Variants in USP38 observed in about 807,000 individuals in gnomAD.
USP38 encodes ubiquitin specific peptidase 38.
In USP38, 49 loss-of-function variants were observed where a neutral mutation model predicts 94.3. The observed-to-expected ratio is 0.52, with a 90% CI of 0.41 to 0.66. USP38 has a LOEUF of 0.66. Among genes scored for constraint, USP38 ranks in the 30% least tolerant of loss-of-function variants. The pLI, the probability that USP38 is intolerant of heterozygous loss-of-function variation, is 0.00. For missense variants in USP38, 1,128 were observed against 1,229.4 expected (o/e 0.92, Z 1.23); for synonymous variants, 468 against 463.6 (o/e 1.01, Z -0.12).
intron 1 of USP38, among the ~76,000 whole-genome samples, chr4:143,186,879 C>G (rs1288209830): frequency 6.6e-6 from 1 of 152,176 alleles, no homozygotes; most frequent in Admixed American, 6.5e-5. Flanking sequence ...TTCATTTCCG[C>G]TCTACTTGGT....
Position 143,185,693 on chromosome 4 carries a change from C to T in USP38, c.243C>T (p.Asn81=). Residue 81 remains asparagine (N), a synonymous_variant, in exon 1 of 10, where the codon AAC becomes AAT. Transcript: ENST00000307017. ...GGCCAGAGTTCGAGTCCTTCTTCAA[C>T]AAGACCTTCGTGTTGGGCCTCCTTC... ...YHRPEFESFF[N]KTFVLGLLHQ... 2 of 1,614,176 alleles carry T rather than the reference C, an allele frequency of 1.2e-6. No homozygotes were observed.
chr4:143,213,991 T>C lies in USP38; in HGVS notation c.2015T>C (p.Leu672Pro). Residue 672 changes from leucine (L) to proline (P), a missense_variant, in exon 9 of 10, where the codon CTT (leucine) becomes CCT (proline). Leu to Pro is a moderately conservative substitution (Grantham distance 98). Coordinates refer to ENST00000307017, the MANE Select transcript of USP38 (RefSeq NM_032557.6). Reference protein sequence around the residue: ...PTTAAFICDSLVNEKTIGSPP... With the variant: ...PTTAAFICDSPVNEKTIGSPP... ...ACAGCTGCCTTCATCTGTGACTCAC[T>C]TGTGAATGAAAAAACCATAGGCAGT... 1 of 1,613,586 alleles carries C rather than the reference T, an allele frequency of 6.2e-7. No individual in the cohort carries two copies. The highest frequency in any genetic ancestry group is 8.5e-7 in the Non-Finnish European group (1 of 1,179,822).
intron 2 of USP38, among the ~76,000 whole-genome samples, chr4:143,193,902 C>T (rs1321974767): frequency 6.6e-6 from 1 of 152,086 alleles, no homozygotes. Flanking sequence ...CTCAGGCAAC[C>T]CCCTTGGTGA....
Position 143,202,566 on chromosome 4 carries a change from A to T in USP38, c.1051-842A>T, listed in dbSNP as rs1280479250. On this transcript the variant is annotated intron_variant, in intron 4 of 9. Transcript: ENST00000307017. The stretch of plus-strand genomic sequence containing the variant: ...TTGAAAAAAATATAGTATCATACTA[A>T]TGGAAAGAGCTATGTCTGTAAAATA... 2.0e-5 allele frequency among the ~76,000 whole-genome samples: 3 copies of T among 152,146 alleles called. No individual in the cohort carries two copies. In the East Asian group the frequency reaches 5.8e-4, roughly 29 times the overall value.
intron 1 of USP38, among the ~76,000 whole-genome samples, chr4:143,187,617 G>T (rs1731266821): frequency 6.6e-6 from 1 of 152,132 alleles, no homozygotes; most frequent in Non-Finnish European, 1.5e-5. Context: ...TCTATAGTAT[G>T]AGTGATCATT....
rs1732333653 is a variant in USP38 at position 143,221,911 on chromosome 4, G to A, written c.*1455G>A. 1 of 152,042 alleles carries A rather than the reference G, an allele frequency of 6.6e-6. No homozygotes were observed. Among genetic ancestry groups the A allele is most frequent in the Non-Finnish European group, 1.5e-5 (1 of 67,956 alleles). 9.4% of individuals were successfully genotyped at this position (152,042 alleles called of 1,614,324 possible). A position where few individuals can be genotyped will look rare whatever the true frequency, so the allele number is the denominator to read the frequency against. On this transcript the variant is annotated 3_prime_UTR_variant, in exon 10 of 10. Transcript: ENST00000307017. ...TTCCAATCACCAGGAAGATTAGGAA[G>A]GCAGATTAGATTAAAAACTGAAAAT...
Position 143,214,033 on chromosome 4 carries a change from A to G in USP38, c.2057A>G (p.Tyr686Cys). The stretch of plus-strand genomic sequence containing the variant: ...ATAGGCAGTCCTCCTAATGAGTTTT[A>G]CTGTTCTGAAAACACTTCTGTCCCT... ...KTIGSPPNEF[Y>C]CSENTSVPNE... Residue 686 changes from tyrosine to cysteine, a missense_variant, in exon 9 of 10, where the codon TAC (tyrosine) becomes TGC (cysteine). Transcript: ENST00000307017. The G allele has an allele frequency of 6.2e-7, 1 of 1,613,614 alleles. No individual in the cohort carries two copies. The highest frequency in any genetic ancestry group is 2.2e-5 in the East Asian group (1 of 44,844).
rs1731842121 is a variant in USP38, at chr4:143,205,736, A to G, written c.1210-297A>G. Among the ~76,000 whole-genome samples, 13 of 152,218 alleles carry G rather than the reference A, an allele frequency of 8.5e-5. 1 individual carries two copies. The highest frequency in any genetic ancestry group is 8.5e-4 in the Admixed American group (13 of 15,274). On this transcript the variant is annotated intron_variant, in intron 5 of 9. Coordinates refer to ENST00000307017, the MANE Select transcript of USP38 (RefSeq NM_032557.6). ...TTCTCTGACCCCAAAGTTTTATTTT[A>G]TAAACATTTTGCTGGCATATAGAGA...
chr4:143,213,650 T>G lies in USP38; in HGVS notation c.1674T>G (p.Ser558Arg). 6.2e-7 allele frequency: 1 copy of G among 1,613,368 alleles called. No individual in the cohort carries two copies. ...SHKPSEILEC[S>R]ETSLQEVASK... ...AGCCTTCTGAAATTCTGGAATGCAG[T>G]GAAACTTCTTTACAGGAAGTAGCTA... Residue 558 changes from serine to arginine, a missense_variant, in exon 9 of 10, where the codon AGT becomes AGG. Transcript: ENST00000307017.
Position 143,210,168 on chromosome 4 carries a change from T to A in USP38, c.1497+511T>A, listed in dbSNP as rs140455209. 2.1e-3 allele frequency among the ~76,000 whole-genome samples: 317 copies of A among 152,334 alleles called. 1 individual carries two copies. The highest frequency in any genetic ancestry group is 7.1e-3 in the African/African-American group (296 of 41,574). On this transcript the variant is annotated intron_variant, in intron 7 of 9. Coordinates refer to ENST00000307017, the MANE Select transcript of USP38 (RefSeq NM_032557.6). ...GAGCTTAAAATTTCGTGGTGATCTTTTATGTCCACACATTAATCCGGGGTC... is the reference window on the plus strand; with the variant it reads ...GAGCTTAAAATTTCGTGGTGATCTTATATGTCCACACATTAATCCGGGGTC...
In USP38 at chr4:143,197,898, C is replaced by T. The variant is rs1328601742; in HGVS notation, c.1024C>T (p.Gln342Ter). The change falls in exon 4 of 10, where the codon CAG (glutamine) becomes TAG (stop). Residue 342 changes from glutamine (Q) to a stop codon, truncating the protein, a stop_gained. Transcript: ENST00000307017. LOFTEE classifies it high-confidence loss of function. ...AVLSHMLLSF[Q>*]HSPEAFHLIV... is the part of the protein sequence containing the mutation. ...TCTTTCTCACATGCTGCTTAGCTTTCAGCATTCTCCAGAGGCGTTCCATTT... is the reference window on the plus strand; with the variant it reads ...TCTTTCTCACATGCTGCTTAGCTTTTAGCATTCTCCAGAGGCGTTCCATTT... The T allele has an allele frequency of 3.1e-6, 5 of 1,613,710 alleles. No homozygotes were observed. Among genetic ancestry groups the T allele is most frequent in the Non-Finnish European group, 3.4e-6 (4 of 1,179,724 alleles).
chr4:143,192,613 G>T (rs1326326315), intron 2 of USP38, among the ~76,000 whole-genome samples: 3 of 129,304 alleles, frequency 2.3e-5, no homozygotes, highest in Non-Finnish European at 3.1e-5. Flanking sequence ...GTGAGGGCCT[G>T]TTCCTTTAGA....
chr4:143,202,968 T>G (rs1448634661), intron 4 of USP38, among the ~76,000 whole-genome samples: 1 of 152,160 alleles, frequency 6.6e-6, no homozygotes, highest in African/African-American at 2.4e-5. Flanking sequence ...TAATGTGCAA[T>G]GTACTTTTAA....
chr4:143,208,096 T>C (rs1402436842), intron 6 of USP38, among the ~76,000 whole-genome samples: 1 of 152,148 alleles, frequency 6.6e-6, no homozygotes, highest in African/African-American at 2.4e-5. Context: ...AGAATCCTAT[T>C]TATATATTCT....
intron 2 of USP38, among the ~76,000 whole-genome samples, chr4:143,194,667 C>CT (rs1364798391): frequency 1.3e-5 from 2 of 152,154 alleles, no homozygotes; most frequent in Non-Finnish European, 2.9e-5. Context: ...GCCGCCATGC[C>CT]TGGCTAATTT....
Position 143,206,124 on chromosome 4 carries a change from C to T in USP38, c.1301C>T (p.Ser434Phe). ...TCCAATTCTTTGGCGTCTTGCTTGT[C>T]TAGACTTTCTGGAAAATCTGAAACT... ...SQSNSLASCL[S>F]RLSGKSETGK... Residue 434 changes from serine (S) to phenylalanine (F), a missense_variant, in exon 6 of 10, where the codon TCT (serine) becomes TTT (phenylalanine). Physicochemically the swap from Ser to Phe is radical, Grantham distance 155. Transcript: ENST00000307017. The T allele has an allele frequency of 6.2e-7, 1 of 1,613,746 alleles. No homozygotes were observed. The highest frequency in any genetic ancestry group is 8.5e-7 in the Non-Finnish European group (1 of 1,179,856).
chr4:143,200,412 C>T (rs931429246), intron 4 of USP38, among the ~76,000 whole-genome samples: 3 of 151,986 alleles, frequency 2.0e-5, no homozygotes, highest in Admixed American at 6.6e-5. Context: ...TGTGACAAAC[C>T]CACAACCAAC....
rs371463359 is a variant in USP38 at position 143,203,570 on chromosome 4, T to C, written c.1209+4T>C. The C allele has an allele frequency of 6.2e-7, 1 of 1,605,572 alleles. No individual in the cohort carries two copies. Among genetic ancestry groups the C allele is most frequent in the Non-Finnish European group, 8.5e-7 (1 of 1,177,552 alleles). ...ACCTATTCTGGAGGCAATAAAGGTA[T>C]GATGATAGTTGTACCAATATTTGTG... On this transcript the variant is annotated splice_donor_region_variant and intron_variant, in intron 5 of 9. Transcript: ENST00000307017.
chr4:143,206,090 A>G lies in USP38; in HGVS notation c.1267A>G (p.Thr423Ala), dbSNP rs755381486. ...GTTAATTCTCAATCAAAGTGCCTGGACTTCTCAATCCAATTCTTTGGCGTC... is the reference window on the plus strand; with the variant it reads ...GTTAATTCTCAATCAAAGTGCCTGGGCTTCTCAATCCAATTCTTTGGCGTC... Reference protein sequence around the residue: ...IKLILNQSAWTSQSNSLASCL... With the variant: ...IKLILNQSAWASQSNSLASCL... Residue 423 changes from threonine (T) to alanine (A), a missense_variant, in exon 6 of 10, where the codon ACT (threonine) becomes GCT (alanine). Thr to Ala is a moderately conservative substitution (Grantham distance 58). Coordinates refer to ENST00000307017, the MANE Select transcript of USP38 (RefSeq NM_032557.6). The G allele has an allele frequency of 3.7e-6, 6 of 1,613,490 alleles. No individual in the cohort carries two copies. The highest frequency in any genetic ancestry group is 4.2e-6 in the Non-Finnish European group (5 of 1,179,814).
Sources: gnomAD v4.1 joint callset for allele counts (sites outside exome capture counted in the v4.1 genomes callset) on GRCh38, gnomAD v4.1.1 for gene constraint, MANE v1.5 for transcripts, NCBI Gene and HGNC (gene_info 2026-07-23, HGNC 2026-07-21) for gene names.